The following PPP2R5C variants were observed in gnomAD, a reference collection of about 807,000 sequenced individuals.
PPP2R5C encodes the protein serine/threonine-protein phosphatase 2A 56 kDa regulatory subunit gamma isoform.
Under a neutral mutation model 68.9 loss-of-function variants are expected in PPP2R5C, and 7 were observed. That is an observed-to-expected ratio of 0.10 (90% confidence interval 0.06 to 0.19). PPP2R5C has a LOEUF of 0.19. Ranked by LOEUF, PPP2R5C falls within the 10% of genes least tolerant of loss-of-function variation. PPP2R5C has a pLI of 1.00. For synonymous variants in PPP2R5C, 210 were observed against 222.2 expected (o/e 0.95, Z 0.49); for missense variants, 348 against 641.3 (o/e 0.54, Z 4.94).
chr14:101,840,482 C>CAAA (rs10611025), intron 1 of PPP2R5C, among the ~76,000 whole-genome samples: 4 of 51,870 alleles, frequency 7.7e-5, no homozygotes, highest in African/African-American at 1.9e-4. Context: ...CCCCCACCAC[C>CAAA]AAAAAAAAAA....
chr14:101,925,430 A>C (rs2047248298), exon 14 of PPP2R5C: 1 of 1,297,174 alleles, frequency 7.7e-7, no homozygotes, highest in African/African-American at 1.5e-5. Flanking sequence ...CGAGATTAGG[A>C]GTTCAAACAA....
chr14:101,918,429 G>A (rs1439294859), intron 13 of PPP2R5C, among the ~76,000 whole-genome samples: 1 of 52,576 alleles, frequency 1.9e-5, no homozygotes, highest in Non-Finnish European at 3.6e-5. Flanking sequence ...CACCCCCCTC[G>A]CCCCGTCCCC....
rs1175398695 is a variant in PPP2R5C at position 101,879,118 on chromosome 14, A to G, written c.295-3043A>G. ...CCAGGCAGCCTGGCCAGGGAGGGACATGCTGTGGGAGAGGAGGGGAAGCAA... is the reference window on the plus strand; with the variant it reads ...CCAGGCAGCCTGGCCAGGGAGGGACGTGCTGTGGGAGAGGAGGGGAAGCAA... On this transcript the variant is annotated intron_variant, in intron 2 of 13. Coordinates refer to ENST00000334743, the Ensembl canonical transcript of PPP2R5C. The surrounding 1 kb of genome is among the most constrained non-coding windows in gnomAD (Gnocchi z 4.2). 1 of 152,352 alleles carries G rather than the reference A, an allele frequency of 6.6e-6. No homozygotes were observed. Among genetic ancestry groups the G allele is most frequent in the Non-Finnish European group, 1.5e-5 (1 of 68,144 alleles). The allele number at this position is 152,352 out of a possible 1,614,324, so 9.4% of individuals were successfully genotyped here.
At chr14:101,910,876 G>A (rs916113555) in intron 11 of PPP2R5C, among the ~76,000 whole-genome samples, 1 of 152,182 alleles carries the variant, frequency 6.6e-6, no homozygotes. Context: ...GCCAAAGCAG[G>A]CAGATCACCT....
rs1555403929 is a variant in PPP2R5C at position 101,919,981 on chromosome 14, A to AAAAAAAAAAAC, written c.1443+2044_1443+2045insCAAAAAAAAAA. ...CAAAACTCCGTCTCAAAAAAAAAAA[A>AAAAAAAAAAAC]AAAAAAAAAAACCAATTCTTACACA... On this transcript the variant is annotated intron_variant, in intron 13 of 13. Coordinates refer to ENST00000334743, the Ensembl canonical transcript of PPP2R5C. 1.4e-3 allele frequency among the ~76,000 whole-genome samples: 203 copies of AAAAAAAAAAAC among 140,672 alleles called. 3 individuals carry two copies. Among genetic ancestry groups the AAAAAAAAAAAC allele is most frequent in the African/African-American group, 5.5e-3 (187 of 34,164 alleles). 92.3% of individuals were successfully genotyped at this position (140,672 alleles called of 152,430 possible). A position where few individuals can be genotyped will look rare whatever the true frequency, so the allele number is the denominator to read the frequency against.
chr14:101,812,658 C>A (rs1379559781), intron 1 of PPP2R5C, among the ~76,000 whole-genome samples: 1 of 152,142 alleles, frequency 6.6e-6, no homozygotes, highest in African/African-American at 2.4e-5. Flanking sequence ...TTATTTGGCT[C>A]GGTAGCCTCT....
At chr14:101,864,511 G>T (rs559142622) in intron 2 of PPP2R5C, among the ~76,000 whole-genome samples, 1 of 152,294 alleles carries the variant, frequency 6.6e-6, no homozygotes, top group African/African-American at 2.4e-5. Context: ...TGATACGAGG[G>T]CCAAGGACTG....
chr14:101,909,782 C>A, intron 11 of PPP2R5C, 92 bp downstream of exon 13: 2 of 884,452 alleles, frequency 2.3e-6, no homozygotes, highest in Non-Finnish European at 3.3e-6. Flanking sequence ...AAACGGTATT[C>A]TTCACTCGAA....
At chr14:101,852,070 G>A (rs768380840) in intron 1 of PPP2R5C, among the ~76,000 whole-genome samples, 2 of 152,114 alleles carry the variant, frequency 1.3e-5, no homozygotes, top group African/African-American at 2.4e-5. Flanking sequence ...TTCTGTCCAC[G>A]CTTGCCTGGC....
chr14:101,918,825 C>T (rs1035987459), intron 13 of PPP2R5C, among the ~76,000 whole-genome samples: 1 of 149,356 alleles, frequency 6.7e-6, no homozygotes, highest in African/African-American at 2.5e-5. Flanking sequence ...CCCTGAGCGT[C>T]CCTCCCTGTT....
upstream of PPP2R5C, chr14:101,760,724 C>G (rs1263923407): frequency 7.1e-6 from 6 of 844,436 alleles, no homozygotes; most frequent in African/African-American, 3.0e-5. Context: ...GAAAGCTGAG[C>G]TGGTGAGGGG....
At chr14:101,902,458 A>C (rs1678034) in intron 9 of PPP2R5C, among the ~76,000 whole-genome samples, 51,316 of 152,074 alleles carry the variant, frequency 0.34, 13,229 homozygotes, top group African/African-American at 0.73. Flanking sequence ...CCACCCCCAC[A>C]CACCTTCCCA....
intron 12 of PPP2R5C, chr14:101,914,291 C>A: frequency 4.6e-6 from 2 of 430,290 alleles, no homozygotes; most frequent in Non-Finnish European, 4.7e-6. Context: ...GAGTCTCGTC[C>A]ACATGCTCTA....
chr14:101,819,897 T>C (rs2039945122), intron 1 of PPP2R5C: 1 of 152,292 alleles, frequency 6.6e-6, no homozygotes, highest in Non-Finnish European at 1.5e-5. Flanking sequence ...GTGCTGGGAT[T>C]AGAGGCGTGA....
Position 101,883,244 on chromosome 14 carries a change from T to C in PPP2R5C, c.406-13T>C. On this transcript the variant is annotated splice_polypyrimidine_tract_variant and intron_variant, in intron 3 of 13. Coordinates refer to ENST00000334743, the Ensembl canonical transcript of PPP2R5C. Reference sequence around the variant, plus strand: ...TCTCATGTTATTTGACTCATTGTTTTTTTTCCTCCTAGCTTGTTTATGAAT... The same window carrying C: ...TCTCATGTTATTTGACTCATTGTTTCTTTTCCTCCTAGCTTGTTTATGAAT... 1 of 1,501,736 alleles carries C rather than the reference T, an allele frequency of 6.7e-7. No individual in the cohort carries two copies. Among genetic ancestry groups the C allele is most frequent in the South Asian group, 1.2e-5 (1 of 82,678 alleles). 93.0% of individuals were successfully genotyped at this position (1,501,736 alleles called of 1,614,324 possible).
At chr14:101,796,971 A>G (rs2038641681) in intron 3 of PPP2R5C, 1 of 344,662 alleles carries the variant, frequency 2.9e-6, no homozygotes, top group Non-Finnish European at 5.8e-6. Flanking sequence ...TTAACCATTC[A>G]TAAGTGTACA....
upstream of PPP2R5C, among the ~76,000 whole-genome samples, chr14:101,809,125 T>C (rs2039201002): frequency 6.6e-6 from 1 of 152,202 alleles, no homozygotes; most frequent in Non-Finnish European, 1.5e-5. Context: ...AAAATAAACA[T>C]GCTCCATTTC....
chr14:101,818,709 T>A (rs2039865339), intron 1 of PPP2R5C: 1 of 257,782 alleles, frequency 3.9e-6, no homozygotes, highest in Non-Finnish European at 7.6e-6. Flanking sequence ...TTCCCTTTAG[T>A]TGTTTTTAAA....
In PPP2R5C at chr14:101,913,081, C is replaced by T. The variant is rs892657069; in HGVS notation, c.1326+608C>T. Among the ~76,000 whole-genome samples, 4 of 152,162 alleles carry T rather than the reference C, an allele frequency of 2.6e-5. No homozygotes were observed. Among genetic ancestry groups the T allele is most frequent in the African/African-American group, 9.7e-5 (4 of 41,428 alleles). On this transcript the variant is annotated intron_variant, in intron 12 of 13. Coordinates refer to ENST00000334743, the Ensembl canonical transcript of PPP2R5C. This position sits in a 1 kb window ranked among gnomAD's most constrained non-coding sequence, Gnocchi z 4.1. ...TCCAGCTGCCGGGGCTGCCAGGGTC[C>T]GGGAGGGTTTCCTGGTGTCATGGTC...
Sources: gnomAD v4.1 joint callset for allele counts (sites outside exome capture counted in the v4.1 genomes callset) on GRCh38, gnomAD v4.1.1 for gene constraint, Gnocchi (gnomAD v3.1) non-coding constraint, MANE v1.5 for transcripts, NCBI Gene and HGNC (gene_info 2026-07-23, HGNC 2026-07-21) for gene names.